POU6F2: variants seen among roughly 807,000 people sequenced by gnomAD.
POU6F2 encodes the protein POU domain, class 6, transcription factor 2.
In POU6F2, 31 loss-of-function variants were observed where a neutral mutation model predicts 71.3. That is an observed-to-expected ratio of 0.43 (90% CI 0.33 to 0.59). The LOEUF is 0.59. Among genes scored for constraint, POU6F2 ranks in the 20% least tolerant of loss-of-function variants. The pLI is 0.04. For missense variants in POU6F2, 783 were observed against 856.8 expected (o/e 0.91, Z 1.07); for synonymous variants, 347 against 355.7 (o/e 0.98, Z 0.27).
At position 39,364,260 on chromosome 7, in the gene POU6F2, C is replaced by CTT. The variant is rs112590056; in HGVS notation, c.972+24259_972+24260dup. 1.2e-3 allele frequency among the ~76,000 whole-genome samples: 167 copies of CTT among 143,944 alleles called. 1 individual carries two copies. Among genetic ancestry groups the CTT allele is most frequent in the Middle Eastern group, 7.2e-3 (2 of 278 alleles). 94.4% of individuals were successfully genotyped at this position (143,944 alleles called of 152,430 possible). ...TTTCTTCTGATGGATTCTCTATTCT[C>CTT]TTTTTTTTTTTTTTTATTTCCATAG... On this transcript the variant is annotated intron_variant, in intron 5 of 9. Transcript: ENST00000518318.
chr7:38,997,716 T>C (rs1788777921), intron 1 of POU6F2, among the ~76,000 whole-genome samples: 1 of 152,176 alleles, frequency 6.6e-6, no homozygotes, highest in Non-Finnish European at 1.5e-5. Flanking sequence ...TGAGTATTTG[T>C]TAAGCAAATT....
chr7:39,146,571 C>T (rs987894019), intron 2 of POU6F2, among the ~76,000 whole-genome samples: 2 of 152,130 alleles, frequency 1.3e-5, no homozygotes, highest in Admixed American at 6.5e-5. Flanking sequence ...TAGCTGGGAT[C>T]GCAGTTTAGA....
chr7:39,311,272 G>C (rs1465821595), intron 4 of POU6F2, among the ~76,000 whole-genome samples: 2 of 150,674 alleles, frequency 1.3e-5, no homozygotes, highest in African/African-American at 4.9e-5. Flanking sequence ...AAAGCAGCCA[G>C]GTTCTAAAAA....
intron 2 of POU6F2, among the ~76,000 whole-genome samples, chr7:39,136,453 G>A (rs751933443): frequency 6.6e-6 from 1 of 152,182 alleles, no homozygotes; most frequent in Non-Finnish European, 1.5e-5. Flanking sequence ...GTTCCAGGCA[G>A]TGTTATTAAA....
At chr7:39,199,001 C>G (rs768510253) in intron 2 of POU6F2, among the ~76,000 whole-genome samples, 1 of 152,188 alleles carries the variant, frequency 6.6e-6, no homozygotes, top group Admixed American at 6.5e-5. Flanking sequence ...TGCAAACAGT[C>G]GGTGAGAAAG....
intron 5 of POU6F2, among the ~76,000 whole-genome samples, chr7:39,391,890 A>T (rs1204451911): frequency 4.6e-5 from 7 of 152,232 alleles, no homozygotes; most frequent in Non-Finnish European, 8.8e-5. Flanking sequence ...GAACATTGTG[A>T]TAGCTCTGAT....
chr7:39,290,833 C>A (rs1168070406), intron 4 of POU6F2, among the ~76,000 whole-genome samples: 1 of 152,160 alleles, frequency 6.6e-6, no homozygotes, highest in Non-Finnish European at 1.5e-5. Context: ...AAAGACTTCA[C>A]TCACACCACG....
chr7:39,080,800 C>T (rs568480145), intron 1 of POU6F2, among the ~76,000 whole-genome samples: 13 of 152,310 alleles, frequency 8.5e-5, no homozygotes, highest in East Asian at 3.9e-4. Flanking sequence ...CCACTGGACA[C>T]GGATGCTTTG....
chr7:39,077,949 G>T (rs542626578), intron 1 of POU6F2, among the ~76,000 whole-genome samples: 1 of 152,308 alleles, frequency 6.6e-6, no homozygotes, highest in African/African-American at 2.4e-5. Flanking sequence ...TCATCACCCG[G>T]TGCAGTGGGT....
At chr7:39,054,616 G>C (rs996446052) in intron 1 of POU6F2, among the ~76,000 whole-genome samples, 19 of 151,994 alleles carry the variant, frequency 1.3e-4, no homozygotes, top group Admixed American at 9.2e-4. Context: ...AATATTAAGA[G>C]GAAGGAGTTA....
chr7:39,454,834 TG>T (rs1447090565), intron 8 of POU6F2, among the ~76,000 whole-genome samples: 1 of 150,266 alleles, frequency 6.7e-6, no homozygotes, highest in Non-Finnish European at 1.5e-5. Context: ...GTCATCCTAG[TG>T]TTGGCTAACC....
At chr7:39,034,543 A>T (rs1249737724) in intron 1 of POU6F2, 1 of 397,922 alleles carries the variant, frequency 2.5e-6, no homozygotes, top group East Asian at 7.5e-5. Context: ...TCGGGGTCAG[A>T]TTGGGTTCGC....
chr7:39,356,463 G>A (rs191696643), intron 5 of POU6F2, among the ~76,000 whole-genome samples: 69 of 152,198 alleles, frequency 4.5e-4, no homozygotes, highest in African/African-American at 1.5e-3. Context: ...TCCTGAACTC[G>A]TATATTGGGC....
At chr7:39,211,331 C>G (rs1794139501) in intron 4 of POU6F2, among the ~76,000 whole-genome samples, 1 of 152,148 alleles carries the variant, frequency 6.6e-6, no homozygotes, top group Non-Finnish European at 1.5e-5. Flanking sequence ...CTCCCGCTCT[C>G]ACTCACCACC....
intron 2 of POU6F2, among the ~76,000 whole-genome samples, chr7:39,101,916 G>T (rs1312375849): frequency 6.6e-6 from 1 of 151,994 alleles, no homozygotes. Context: ...ATTAAAATAG[G>T]CTTCCTCACT....
At chr7:39,192,756 T>C (rs1002168698) in intron 2 of POU6F2, among the ~76,000 whole-genome samples, 8 of 152,082 alleles carry the variant, frequency 5.3e-5, no homozygotes, top group African/African-American at 1.7e-4. Flanking sequence ...CCTTGACTTT[T>C]GTGGGATAGG....
chr7:39,450,284 T>C (rs1284219832), intron 7 of POU6F2, among the ~76,000 whole-genome samples: 1 of 152,178 alleles, frequency 6.6e-6, no homozygotes, highest in Non-Finnish European at 1.5e-5. Context: ...CTGACCTAAT[T>C]CTACTCACAG....
chr7:39,459,926 G>A (rs1365765984), intron 8 of POU6F2, among the ~76,000 whole-genome samples: 1 of 152,094 alleles, frequency 6.6e-6, no homozygotes, highest in South Asian at 2.1e-4. Flanking sequence ...GGACAAAGGC[G>A]TCTGTGTCAG....
chr7:39,147,652 C>T (rs564692690), intron 2 of POU6F2, among the ~76,000 whole-genome samples: 78 of 152,286 alleles, frequency 5.1e-4, no homozygotes, highest in African/African-American at 1.8e-3. Flanking sequence ...TTCTGTTCTT[C>T]TTCCAACTCT....
Sources: gnomAD v4.1 joint callset for allele counts (sites outside exome capture counted in the v4.1 genomes callset) on GRCh38, gnomAD v4.1.1 for gene constraint, MANE v1.5 for transcripts, NCBI Gene and HGNC (gene_info 2026-07-23, HGNC 2026-07-21) for gene names.